FSIP2: variants seen among roughly 807,000 people sequenced by gnomAD.
FSIP2 encodes the protein fibrous sheath interacting protein 2.
Under a neutral mutation model 510.5 loss-of-function variants are expected in FSIP2, and 367 were observed. The observed-to-expected ratio is 0.72, with a 90% CI of 0.66 to 0.78. The LOEUF (loss-of-function observed/expected upper bound fraction) is 0.78, where lower values mean the gene tolerates loss of function less well. FSIP2 is among the 30% of genes least tolerant of loss of function. The pLI is 0.00. For missense variants in FSIP2, 7,594 were observed against 7,901.7 expected (o/e 0.96, Z 1.48); for synonymous variants, 2,601 against 2,732.2 (o/e 0.95, Z 1.50).
At chr2:185,828,078 A>G in intron 20 of FSIP2, 78 bp from the exon 21 acceptor site, 1 of 812,952 alleles carries the variant, frequency 1.2e-6, no homozygotes, top group Non-Finnish European at 2.1e-6. Context: ...AAAATAAATA[A>G]TATGATCAGA....
rs570815456 is a variant in FSIP2 at position 185,790,604 on chromosome 2, G to T, written c.3468G>T (p.Gln1156His). The T allele has an allele frequency of 1.3e-6, 2 of 1,534,054 alleles. No individual in the cohort carries two copies. The highest frequency in any genetic ancestry group is 4.9e-5 in the East Asian group (2 of 40,840). ...TGTCACATCAAGAATGGATAGACCA[G>T]ATGTTTTCTGTTTCAGAAATCAGTA... The part of the protein sequence containing the change: ...QGLSHQEWID[Q>H]MFSVSEISTV... The change falls in exon 16 of 23, where the codon CAG becomes CAT. Residue 1156 changes from glutamine (Q) to histidine (H), a missense_variant. Physicochemically the swap from Gln to His is conservative, Grantham distance 24. Coordinates refer to ENST00000424728, the MANE Select transcript of FSIP2 (RefSeq NM_173651.4).
chr2:185,825,369 A>G (rs1693996750), intron 20 of FSIP2, among the ~76,000 whole-genome samples: 1 of 151,780 alleles, frequency 6.6e-6, no homozygotes, highest in Admixed American at 6.6e-5. Flanking sequence ...TGACCCATCC[A>G]ACATTCCTCT....
At chr2:185,765,229 A>G (rs1692442611) in intron 13 of FSIP2, 1 of 152,080 alleles carries the variant, frequency 6.6e-6, no homozygotes, top group Non-Finnish European at 1.5e-5. Context: ...GGAGAATCAT[A>G]TACAACTTGA....
intron 10 of FSIP2, among the ~76,000 whole-genome samples, chr2:185,761,338 A>G (rs963365945): frequency 4.6e-5 from 7 of 151,222 alleles, no homozygotes; most frequent in Non-Finnish European, 8.9e-5. Context: ...AGTAATAATA[A>G]TAATGACAGC....
chr2:185,789,215 T>C lies in FSIP2; in HGVS notation c.2079T>C (p.Phe693=), dbSNP rs897595365. The stretch of plus-strand genomic sequence containing the variant: ...AAATGAAGAATTTAAAAAATGTTTT[T>C]GTTAACTTTAAATGTTACTTGAAAG... The part of the protein sequence containing the change: ...MDEMKNLKNV[F]VNFKCYLKGE... Residue 693 remains phenylalanine, a synonymous_variant, in exon 16 of 23, where the codon TTT becomes TTC. Transcript: ENST00000424728. The C allele has an allele frequency of 2.6e-6, 4 of 1,534,342 alleles. No individual in the cohort carries two copies. The African/African-American group carries it at 5.5e-5, about 21-fold the overall frequency.
rs773310664 is a variant in FSIP2 at position 185,794,622 on chromosome 2, C to G, written c.7486C>G (p.Gln2496Glu). The change falls in exon 16 of 23, where the codon CAA becomes GAA. Residue 2496 changes from glutamine to glutamate, a missense_variant. By Grantham distance (29) the Gln-to-Glu change is conservative. Transcript: ENST00000424728. ...GGAAGAACTTTTGAATAAGTTGTAT[C>G]AAAGAGTAAGGGAAGTCACAGGCCA... ...AVEELLNKLY[Q>E]RVREVTGHLP... 6.5e-7 allele frequency: 1 copy of G among 1,532,076 alleles called. No homozygotes were observed. Among genetic ancestry groups the G allele is most frequent in the Non-Finnish European group, 8.7e-7 (1 of 1,145,014 alleles). The allele number at this position is 1,532,076 out of a possible 1,614,324, so 94.9% of individuals were successfully genotyped here.
In FSIP2 at chr2:185,807,081, A is replaced by C. The variant is rs751449277; in HGVS notation, c.17775A>C (p.Leu5925Phe). Reference sequence around the variant, plus strand: ...TTCACTCCTCTGTTTGTAATATTTTAAATGACTATGGATCTCAAGACTCTA... The same window carrying C: ...TTCACTCCTCTGTTTGTAATATTTTCAATGACTATGGATCTCAAGACTCTA... Reference protein sequence around the residue: ...KVVHSSVCNILNDYGSQDSIW... With the variant: ...KVVHSSVCNIFNDYGSQDSIW... Residue 5925 changes from leucine to phenylalanine, a missense_variant, in exon 17 of 23, where the codon TTA becomes TTC. Leu to Phe is a conservative substitution (Grantham distance 22). Transcript: ENST00000424728. 6 of 1,590,172 alleles carry C rather than the reference A, an allele frequency of 3.8e-6. No individual in the cohort carries two copies. The South Asian group carries it at 7.0e-5, about 18-fold the overall frequency.
chr2:185,804,831 A>C lies in FSIP2; in HGVS notation c.15525A>C (p.Ala5175=), dbSNP rs748611991. 85 of 1,532,384 alleles carry C rather than the reference A, an allele frequency of 5.5e-5. No individual in the cohort carries two copies. The highest frequency in any genetic ancestry group is 7.2e-5 in the Non-Finnish European group (82 of 1,144,790). 94.9% of individuals were successfully genotyped at this position (1,532,384 alleles called of 1,614,324 possible). A position where few individuals can be genotyped will look rare whatever the true frequency, so the allele number is the denominator to read the frequency against. Residue 5175 remains alanine (A), a synonymous_variant, in exon 17 of 23, where the codon GCA becomes GCC. Transcript: ENST00000424728. ...AACATGAGATTCGACTTTCCATGGC[A>C]GAGGATAATGCAGAAAGTATGCAGT... ...ISEHEIRLSM[A]EDNAESMQLE...
At position 185,803,621 on chromosome 2, in the gene FSIP2, T is replaced by C. The variant is rs1693491564; in HGVS notation, c.14315T>C (p.Ile4772Thr). 6.5e-7 allele frequency: 1 copy of C among 1,529,294 alleles called. No individual in the cohort carries two copies. The highest frequency in any genetic ancestry group is 1.2e-5 in the South Asian group (1 of 83,106). 94.7% of individuals were successfully genotyped at this position (1,529,294 alleles called of 1,614,324 possible). A position where few individuals can be genotyped will look rare whatever the true frequency, so the allele number is the denominator to read the frequency against. Residue 4772 changes from isoleucine to threonine, a missense_variant, in exon 17 of 23, where the codon ATA becomes ACA. Transcript: ENST00000424728. ...NVLIQRVQYDISKSRFQRQAS... is the reference protein window; with the variant it reads ...NVLIQRVQYDTSKSRFQRQAS... ...TTAATACAAAGAGTTCAATATGATA[T>C]AAGTAAATCAAGATTCCAAAGACAA...
At position 185,739,487 on chromosome 2, in the gene FSIP2, T is replaced by A; in HGVS notation, c.225+16T>A. On this transcript the variant is annotated intron_variant, in intron 2 of 22. Coordinates refer to ENST00000424728, the MANE Select transcript of FSIP2 (RefSeq NM_173651.4). ...CGGTGAAAAGGTGAACAAGTTTTTA[T>A]CGTCTTTCTTTCCTTTACCCTTTAC... The A allele has an allele frequency of 3.4e-6, 5 of 1,487,804 alleles. No individual in the cohort carries two copies. Among genetic ancestry groups the A allele is most frequent in the Non-Finnish European group, 3.6e-6 (4 of 1,121,352 alleles). The allele number at this position is 1,487,804 out of a possible 1,614,324, so 92.2% of individuals were successfully genotyped here.
rs550472517 is a variant in FSIP2, at chr2:185,813,135, G to A, written c.19828-410G>A. On this transcript the variant is annotated intron_variant, in intron 17 of 22. Transcript: ENST00000424728. Reference sequence around the variant, plus strand: ...ATTACTTTTGAAAATCAAGATCAGTGAATATGTTGCCCTTTTTTCTTGAAA... The same window carrying A: ...ATTACTTTTGAAAATCAAGATCAGTAAATATGTTGCCCTTTTTTCTTGAAA... Among the ~76,000 whole-genome samples the A allele has an allele frequency of 2.6e-5, 4 of 152,092 alleles. No homozygotes were observed. The East Asian group carries it at 5.8e-4, about 22-fold the overall frequency.
intron 19 of FSIP2, among the ~76,000 whole-genome samples, chr2:185,817,407 A>G (rs1693845390): frequency 6.6e-6 from 1 of 152,056 alleles, no homozygotes; most frequent in Admixed American, 6.6e-5. Context: ...ACAACAGCAG[A>G]ATATCTAAGT....
rs1693556045 is a variant in FSIP2 at position 185,805,832 on chromosome 2, G to C, written c.16526G>C (p.Gly5509Ala). ...AGCGGCATGATTAACCTAACATCAG[G>C]GTTGGCTACAGGTGTGACAAATAAA... is the stretch of plus-strand genomic sequence containing the variant. ...MKSGMINLTS[G>A]LATGVTNKKE... Residue 5509 changes from glycine (G) to alanine (A), a missense_variant, in exon 17 of 23, where the codon GGG (glycine) becomes GCG (alanine). By Grantham distance (60) the Gly-to-Ala change is moderately conservative. Coordinates refer to ENST00000424728, the MANE Select transcript of FSIP2 (RefSeq NM_173651.4). 1 of 1,607,656 alleles carries C rather than the reference G, an allele frequency of 6.2e-7. No individual in the cohort carries two copies. Among genetic ancestry groups the C allele is most frequent in the African/African-American group, 1.3e-5 (1 of 74,588 alleles).
At chr2:185,830,722 G>A (rs1447192217) in intron 21 of FSIP2, among the ~76,000 whole-genome samples, 1 of 151,588 alleles carries the variant, frequency 6.6e-6, no homozygotes, top group Non-Finnish European at 1.5e-5. Context: ...TTGATCTCTG[G>A]TTGGTTAAAC....
chr2:185,829,474 A>G (rs1694070366), intron 21 of FSIP2, among the ~76,000 whole-genome samples: 1 of 151,976 alleles, frequency 6.6e-6, no homozygotes, highest in South Asian at 2.1e-4. Context: ...AAATCCTGGC[A>G]TTACATAGAT....
chr2:185,751,506 A>C (rs1692147866), intron 7 of FSIP2, among the ~76,000 whole-genome samples: 1 of 102,222 alleles, frequency 9.8e-6, no homozygotes, highest in African/African-American at 3.6e-5. Flanking sequence ...TGTGGTTACT[A>C]CTCATATAGA....
intron 9 of FSIP2, among the ~76,000 whole-genome samples, chr2:185,758,638 T>C (rs754579064): frequency 6.6e-6 from 1 of 151,118 alleles, no homozygotes; most frequent in Non-Finnish European, 1.5e-5. Flanking sequence ...ACCTTTGTTA[T>C]AGCTCTAGAG....
At position 185,761,103 on chromosome 2, in the gene FSIP2, G is replaced by T; in HGVS notation, c.1194G>T (p.Lys398Asn). 2 of 1,222,744 alleles carry T rather than the reference G, an allele frequency of 1.6e-6. No individual in the cohort carries two copies. The highest frequency in any genetic ancestry group is 2.2e-6 in the Non-Finnish European group (2 of 889,518). 75.7% of individuals were successfully genotyped at this position (1,222,744 alleles called of 1,614,324 possible). ...ADVQDNGINQKRDGMVSKNSS... is the reference protein window; with the variant it reads ...ADVQDNGINQNRDGMVSKNSS... ...TACAGGATAATGGTATAAATCAAAA[G>T]GTATACAATTATGCTTTAAAGTTTT... Residue 398 changes from lysine (K) to asparagine (N), a missense_variant and splice_region_variant, in exon 10 of 23, where the codon AAG becomes AAT. Lys to Asn is a moderately conservative substitution (Grantham distance 94). Coordinates refer to ENST00000424728, the MANE Select transcript of FSIP2 (RefSeq NM_173651.4).
chr2:185,832,037 A>G (rs1020376557), intron 22 of FSIP2, among the ~76,000 whole-genome samples, 155 bp downstream of exon 22: 10 of 151,986 alleles, frequency 6.6e-5, no homozygotes, highest in Admixed American at 3.3e-4. Flanking sequence ...GTTTGCATAA[A>G]TACCAATTTT....
Sources: gnomAD v4.1 joint callset for allele counts (sites outside exome capture counted in the v4.1 genomes callset) on GRCh38, gnomAD v4.1.1 for gene constraint, MANE v1.5 for transcripts, NCBI Gene and HGNC (gene_info 2026-07-23, HGNC 2026-07-21) for gene names.